The following NOL4L variants were observed in gnomAD, a reference collection of about 807,000 sequenced individuals.
The protein encoded by NOL4L is nucleolar protein 4-like.
In NOL4L, 7 loss-of-function variants were observed where a neutral mutation model predicts 64.5. That is an observed-to-expected ratio of 0.11 (90% CI 0.06 to 0.20). NOL4L has a LOEUF of 0.20. Among genes scored for constraint, NOL4L ranks in the 10% least tolerant of loss-of-function variants. NOL4L has a pLI of 1.00. For synonymous variants in NOL4L, 413 were observed against 401.0 expected (o/e 1.03, Z -0.36); for missense variants, 680 against 967.1 (o/e 0.70, Z 3.94).
intron 10 of NOL4L, chr20:32,450,060 A>T (rs150343916): frequency 2.6e-5 from 4 of 152,368 alleles, no homozygotes; most frequent in Admixed American, 6.5e-5. Flanking sequence ...TTACAGCCAG[A>T]TGCTCAGGTT....
intron 1 of NOL4L, among the ~76,000 whole-genome samples, chr20:32,544,383 G>A (rs2018704260): frequency 6.6e-6 from 1 of 152,086 alleles, no homozygotes; most frequent in African/African-American, 2.4e-5. Context: ...TGTGCAGCTG[G>A]TACCTGAGCA....
chr20:32,500,029 C>T (rs293556), intron 4 of NOL4L, among the ~76,000 whole-genome samples: 29,273 of 151,918 alleles, frequency 0.19, 5,460 homozygotes, highest in African/African-American at 0.49. Context: ...ACAAATGATG[C>T]TGAGACAAAA....
At chr20:32,468,866 A>G (rs1408312534) in intron 5 of NOL4L, among the ~76,000 whole-genome samples, 1 of 140,080 alleles carries the variant, frequency 7.1e-6, no homozygotes, top group African/African-American at 2.7e-5. Flanking sequence ...ACCATTTTGC[A>G]CTCCAGCCTG....
intron 1 of NOL4L, among the ~76,000 whole-genome samples, chr20:32,574,383 G>C (rs939808420): frequency 6.6e-6 from 1 of 152,218 alleles, no homozygotes; most frequent in Non-Finnish European, 1.5e-5. Flanking sequence ...GAGGCACCCA[G>C]TGGTTGCTTA....
chr20:32,523,023 G>T lies in NOL4L; in HGVS notation c.478-2101C>A, dbSNP rs1056795699. 2.0e-5 allele frequency among the ~76,000 whole-genome samples: 3 copies of T among 152,292 alleles called. No individual in the cohort carries two copies. In the South Asian group the frequency reaches 6.2e-4, roughly 32 times the overall value. On this transcript the variant is annotated intron_variant, in intron 2 of 10. Coordinates refer to ENST00000621426, the MANE Select transcript of NOL4L (RefSeq NM_001256798.2). ...TCTGCTGAGGGCTGCACACAGGATG[G>T]GCAGGGCCCTTCTTGCTGCCTGGCC...
chr20:32,488,872 T>G (rs1208465999), intron 4 of NOL4L, among the ~76,000 whole-genome samples: 1 of 102,400 alleles, frequency 9.8e-6, no homozygotes, highest in Admixed American at 9.6e-5. Flanking sequence ...TCTTTCTTTC[T>G]TTCTTTCTTT....
intron 1 of NOL4L, among the ~76,000 whole-genome samples, chr20:32,582,909 TGATTTGG>T (rs1980574098): frequency 6.6e-6 from 1 of 151,106 alleles, no homozygotes; most frequent in South Asian, 2.1e-4. Flanking sequence ...AAAGTGGCAC[TGATTTGG>T]GCTGGGGGAG....
chr20:32,492,595 G>A (rs1021769302), intron 4 of NOL4L, among the ~76,000 whole-genome samples: 1 of 152,228 alleles, frequency 6.6e-6, no homozygotes, highest in Non-Finnish European at 1.5e-5. Context: ...TTCAAAAGGG[G>A]AAACAGCAAG....
rs1049834844 is a variant in NOL4L, at chr20:32,509,566, T to G, written c.699+1781A>C. 1.0e-4 allele frequency among the ~76,000 whole-genome samples: 15 copies of G among 149,464 alleles called. 1 individual carries two copies. Among genetic ancestry groups the G allele is most frequent in the African/African-American group, 3.7e-4 (15 of 40,498 alleles). ...GAAAAGAAAGAAAATCTAGGGGTAC[T>G]GCTGTTTCTGTAAATCCTCAGAGCC... On this transcript the variant is annotated intron_variant, in intron 4 of 10. Transcript: ENST00000621426.
At chr20:32,533,438 T>C (rs1378109079) in intron 1 of NOL4L, 1 of 152,184 alleles carries the variant, frequency 6.6e-6, no homozygotes. Flanking sequence ...AAGACAGATT[T>C]TGAGAACTGC....
Position 32,445,764 on chromosome 20 carries a change from A to AGAT in NOL4L, c.*1829_*1831dup, listed in dbSNP as rs2145413882. 6.6e-6 allele frequency: 1 copy of AGAT among 152,470 alleles called. No homozygotes were observed. The highest frequency in any genetic ancestry group is 1.9e-4 in the East Asian group (1 of 5,170). 9.4% of individuals were successfully genotyped at this position (152,470 alleles called of 1,614,324 possible). A position where few individuals can be genotyped will look rare whatever the true frequency, so the allele number is the denominator to read the frequency against. ...GATGGGGTATTGGAGGCCACTTGAG[A>AGAT]GATAACGACCACCCCCAACCTCTAG... On this transcript the variant is annotated 3_prime_UTR_variant, in exon 11 of 11. Coordinates refer to ENST00000621426, the MANE Select transcript of NOL4L (RefSeq NM_001256798.2).
At chr20:32,530,289 C>A (rs1221134664) in intron 1 of NOL4L, among the ~76,000 whole-genome samples, 1 of 152,176 alleles carries the variant, frequency 6.6e-6, no homozygotes, top group Non-Finnish European at 1.5e-5. Flanking sequence ...CGCCTGTAAT[C>A]CCAGCACTTT....
intron 4 of NOL4L, chr20:32,509,854 C>T (rs184688898): frequency 1.3e-5 from 17 of 1,304,178 alleles, no homozygotes; most frequent in South Asian, 2.5e-5. Context: ...GCTGTTTGTG[C>T]GGTTTTGTGC....
At chr20:32,518,900 G>A (rs2017799807) in intron 3 of NOL4L, among the ~76,000 whole-genome samples, 1 of 152,244 alleles carries the variant, frequency 6.6e-6, no homozygotes, top group South Asian at 2.1e-4. Flanking sequence ...GCAGCATTCA[G>A]GATCACTGGC....
At chr20:32,581,885 G>GGTGTGT (rs372938511) in intron 1 of NOL4L, 10 of 150,188 alleles carry the variant, frequency 6.7e-5, no homozygotes, top group African/African-American at 2.4e-4. Context: ...GGGGTGAGGG[G>GGTGTGT]GTGTGTGTGT....
At position 32,488,805 on chromosome 20, in the gene NOL4L, T is replaced by TCCTTCCTTCC. The variant is rs377521629; in HGVS notation, c.700-14064_700-14063insGGAAGGAAGG. On this transcript the variant is annotated intron_variant, in intron 4 of 10. Transcript: ENST00000621426. ...TTCCTTCCTTCCTTTCTTTCTTTCT[T>TCCTTCCTTCC]TTTCTTTCTTTCTTTCTTTCTTTTT... 7.6e-4 allele frequency among the ~76,000 whole-genome samples: 23 copies of TCCTTCCTTCC among 30,202 alleles called. 1 individual carries two copies. Among genetic ancestry groups the TCCTTCCTTCC allele is most frequent in the East Asian group, 2.2e-3 (2 of 920 alleles). 19.8% of individuals were successfully genotyped at this position (30,202 alleles called of 152,430 possible).
chr20:32,482,994 C>G (rs2015834245), intron 4 of NOL4L, among the ~76,000 whole-genome samples: 2 of 151,472 alleles, frequency 1.3e-5, no homozygotes, highest in Admixed American at 1.3e-4. Context: ...TCACCGCCCC[C>G]CAGGACCCGC....
chr20:32,468,221 G>A (rs1169398395), intron 5 of NOL4L, among the ~76,000 whole-genome samples: 1 of 152,140 alleles, frequency 6.6e-6, no homozygotes, highest in Non-Finnish European at 1.5e-5. Context: ...GCCACATATT[G>A]GGCCCGACCA....
chr20:32,497,593 C>A (rs1464373735), intron 4 of NOL4L, among the ~76,000 whole-genome samples: 1 of 152,188 alleles, frequency 6.6e-6, no homozygotes, highest in Non-Finnish European at 1.5e-5. Context: ...CAAAACGGAA[C>A]GGGACTTAGC....
Sources: gnomAD v4.1 joint callset for allele counts (sites outside exome capture counted in the v4.1 genomes callset) on GRCh38, gnomAD v4.1.1 for gene constraint, MANE v1.5 for transcripts, NCBI Gene and HGNC (gene_info 2026-07-23, HGNC 2026-07-21) for gene names.